WDFY3: variants seen among roughly 807,000 people sequenced by gnomAD.
WDFY3 encodes WD repeat and FYVE domain containing 3, also known as WD repeat and FYVE domain-containing protein 3.
Under a neutral mutation model 409.6 loss-of-function variants are expected in WDFY3, and 66 were observed. The observed-to-expected ratio is 0.16, with a 90% confidence interval of 0.13 to 0.20. The LOEUF is 0.20. Among genes scored for constraint, WDFY3 ranks in the 10% least tolerant of loss-of-function variants. The pLI is 1.00. For synonymous variants in WDFY3, 1,521 were observed against 1,537.1 expected (o/e 0.99, Z 0.25); for missense variants, 3,031 against 4,298.1 (o/e 0.71, Z 8.24).
At chr4:84,807,245 T>A (rs1004826512) in intron 15 of WDFY3, among the ~76,000 whole-genome samples, 1 of 152,110 alleles carries the variant, frequency 6.6e-6, no homozygotes, top group African/African-American at 2.4e-5. Context: ...ACAGCTTTTT[T>A]AAAAAAAGAA....
chr4:84,946,117 C>T (rs551652869), intron 1 of WDFY3, among the ~76,000 whole-genome samples: 88 of 152,198 alleles, frequency 5.8e-4, no homozygotes, highest in South Asian at 3.5e-3. Flanking sequence ...GTTGGAACTA[C>T]CAAACCTCAG....
intron 56 of WDFY3, among the ~76,000 whole-genome samples, chr4:84,698,082 C>T (rs1012401171): frequency 3.9e-5 from 6 of 151,980 alleles, no homozygotes; most frequent in African/African-American, 9.7e-5. Context: ...CCTGAAATGC[C>T]CACTAGGTCT....
Position 84,716,936 on chromosome 4 carries a change from T to C in WDFY3, c.7835A>G (p.Glu2612Gly), listed in dbSNP as rs767015701. ...LKRTCSIFAY[E>G]DIKEVHKRRY... ...CCTTTTATGAACTTCCTTGATATCT[T>C]CATATGCAAAAATGCTGCATGTTCT... The change falls in exon 49 of 68, where the codon GAA becomes GGA. Residue 2612 changes from glutamate (E) to glycine (G), a missense_variant. By Grantham distance (98) the Glu-to-Gly change is moderately conservative. Around this residue, in one of 16 missense-constraint regions of WDFY3, gnomAD observed 45 missense variants for 121.8 expected, o/e 0.37. Coordinates refer to ENST00000295888, the MANE Select transcript of WDFY3 (RefSeq NM_014991.6). 6.2e-7 allele frequency: 1 copy of C among 1,607,448 alleles called. No homozygotes were observed. Among genetic ancestry groups the C allele is most frequent in the Admixed American group, 1.7e-5 (1 of 59,234 alleles).
intron 3 of WDFY3, among the ~76,000 whole-genome samples, chr4:84,875,263 AACACACACACACAC>A (rs58589086): frequency 9.2e-4 from 127 of 137,580 alleles, no homozygotes; most frequent in South Asian, 1.7e-3. Flanking sequence ...GCAAGACTCA[AACACACACACACAC>A]ACACACACAC....
intron 40 of WDFY3, 124 bp from the exon 41 acceptor site, chr4:84,737,490 A>G: frequency 8.7e-7 from 1 of 1,154,222 alleles, no homozygotes. Flanking sequence ...TAATGTAAAA[A>G]AAACAAAGCT....
Position 84,821,382 on chromosome 4 carries a change from T to C in WDFY3, c.1293A>G (p.Ala431=), listed in dbSNP as rs747970604. The C allele has an allele frequency of 2.5e-6, 4 of 1,613,942 alleles. No homozygotes were observed. The change falls in exon 11 of 68, where the codon GCA becomes GCG. Residue 431 remains alanine (A), a synonymous_variant. Transcript: ENST00000295888. ...LESQHTLSQF[A]EKISKLPEVQ... ...CTTCTGGGAGTTTAGAAATCTTCTC[T>C]GCAAACTGTGACAATGTGTGCTGTG...
intron 58 of WDFY3, 104 bp from the exon 59 acceptor site, chr4:84,693,136 C>T: frequency 8.6e-7 from 1 of 1,169,468 alleles, no homozygotes; most frequent in Non-Finnish European, 1.2e-6. Flanking sequence ...TTCACAAGAA[C>T]TATTAGGTAC....
chr4:84,833,688 A>AGAGAAGAG (rs1756112672), intron 7 of WDFY3, among the ~76,000 whole-genome samples: 66 of 149,608 alleles, frequency 4.4e-4, no homozygotes, highest in African/African-American at 1.6e-3. Flanking sequence ...AAAGAAAAGA[A>AGAGAAGAG]AAGAGAAGAG....
intron 32 of WDFY3, among the ~76,000 whole-genome samples, chr4:84,761,907 A>T (rs1478316205): frequency 1.3e-5 from 2 of 152,214 alleles, no homozygotes; most frequent in Non-Finnish European, 1.5e-5. Flanking sequence ...TCAAAACCAC[A>T]ATGAGATATC....
intron 10 of WDFY3, among the ~76,000 whole-genome samples, chr4:84,823,931 A>G (rs1754461947): frequency 6.6e-6 from 1 of 152,192 alleles, no homozygotes; most frequent in East Asian, 1.9e-4. Flanking sequence ...TATTTAGCTA[A>G]AAGAAATGAA....
At chr4:84,943,137 A>G (rs529553269) in intron 1 of WDFY3, among the ~76,000 whole-genome samples, 1 of 152,330 alleles carries the variant, frequency 6.6e-6, no homozygotes, top group South Asian at 2.1e-4. Context: ...CCACTTAATG[A>G]ACAGTAAATA....
chr4:84,848,802 T>G (rs1479454162), intron 5 of WDFY3, among the ~76,000 whole-genome samples: 1 of 152,180 alleles, frequency 6.6e-6, no homozygotes. Flanking sequence ...AGCACATGTA[T>G]CTGTGAGATC....
intron 48 of WDFY3, among the ~76,000 whole-genome samples, chr4:84,717,718 T>C (rs540492543): frequency 2.0e-5 from 3 of 152,290 alleles, no homozygotes; most frequent in African/African-American, 7.2e-5. Flanking sequence ...GCTAATGCTT[T>C]AGTCATGCTG....
intron 2 of WDFY3, among the ~76,000 whole-genome samples, chr4:84,916,934 T>C (rs1768569516): frequency 6.6e-6 from 1 of 152,096 alleles, no homozygotes; most frequent in African/African-American, 2.4e-5. Flanking sequence ...TCTCCTCTAA[T>C]AACATTAAAC....
intron 2 of WDFY3, among the ~76,000 whole-genome samples, chr4:84,919,080 G>C (rs12648852): frequency 0.37 from 56,330 of 151,660 alleles, 10,652 homozygotes; most frequent in Admixed American, 0.46. Context: ...CTAATGACTT[G>C]CTTAAAAAAA....
intron 39 of WDFY3, among the ~76,000 whole-genome samples, chr4:84,739,956 A>G (rs1159500407): frequency 2.6e-5 from 4 of 152,154 alleles, no homozygotes; most frequent in Admixed American, 2.6e-4. Flanking sequence ...TATAAGTGAC[A>G]TATGGTGATA....
intron 49 of WDFY3, among the ~76,000 whole-genome samples, chr4:84,716,638 A>C (rs190791405): frequency 8.6e-5 from 13 of 150,684 alleles, no homozygotes; most frequent in Admixed American, 6.6e-5. Context: ...CTACTAAAAA[A>C]ATACAAAAAA....
At chr4:84,781,353 T>C (rs191678758) in intron 25 of WDFY3, among the ~76,000 whole-genome samples, 37 of 151,992 alleles carry the variant, frequency 2.4e-4, no homozygotes, top group Admixed American at 9.2e-4. Context: ...CTATGTGCTC[T>C]GCAGTATTCA....
At chr4:84,844,501 A>G (rs1479751639) in intron 5 of WDFY3, 11 of 1,289,568 alleles carry the variant, frequency 8.5e-6, no homozygotes, top group Non-Finnish European at 1.1e-5. Context: ...AGCAGGGCAC[A>G]CTGTTTTTCT....
Sources: allele counts gnomAD v4.1 joint callset (sites outside exome capture counted in the v4.1 genomes callset), GRCh38; gene constraint gnomAD v4.1.1; regional missense constraint gnomAD v4.1.1; transcripts MANE v1.5; gene names NCBI Gene and HGNC (gene_info 2026-07-23, HGNC 2026-07-21).